Variants in CMIP observed in about 807,000 individuals in gnomAD.
CMIP encodes c-Maf inducing protein, also known as C-Maf-inducing protein.
Under a neutral mutation model 97.3 loss-of-function variants are expected in CMIP, and 13 were observed. That is an observed-to-expected ratio of 0.13 (90% CI 0.09 to 0.21). The LOEUF (loss-of-function observed/expected upper bound fraction) is 0.21, where lower values mean the gene tolerates loss of function less well. Among genes scored for constraint, CMIP ranks in the 10% least tolerant of loss-of-function variants. CMIP has a pLI of 1.00. For synonymous variants in CMIP, 538 were observed against 436.3 expected, an observed-to-expected ratio of 1.23 and a Z score of -2.91; for missense variants, 847 against 1,024.9, an observed-to-expected ratio of 0.83 and a Z score of 2.37.
chr16:81,698,107 G>C (rs1232691029), intron 14 of CMIP: 1 of 151,942 alleles, frequency 6.6e-6, no homozygotes, highest in African/African-American at 2.4e-5. Flanking sequence ...GTTCATGATG[G>C]AGCGGAAAAA....
chr16:81,541,503 T>G (rs569908274), intron 1 of CMIP, among the ~76,000 whole-genome samples: 1 of 152,328 alleles, frequency 6.6e-6, no homozygotes, highest in South Asian at 2.1e-4. Context: ...CCTCACACGC[T>G]TCTTCCATGA....
chr16:81,600,819 T>A (rs987731811), intron 1 of CMIP, among the ~76,000 whole-genome samples: 18 of 152,210 alleles, frequency 1.2e-4, no homozygotes, highest in African/African-American at 4.3e-4. Context: ...CGCAAGCCAC[T>A]TTGAGCACCA....
chr16:81,614,753 G>A lies in CMIP; in HGVS notation c.427-6123G>A, dbSNP rs998579860. Among the ~76,000 whole-genome samples, 2 of 151,796 alleles carry A rather than the reference G, an allele frequency of 1.3e-5. No individual in the cohort carries two copies. Among genetic ancestry groups the A allele is most frequent in the African/African-American group, 4.8e-5 (2 of 41,270 alleles). On this transcript the variant is annotated intron_variant, in intron 2 of 20. Transcript: ENST00000537098. The surrounding 1 kb of genome is among the most constrained non-coding windows in gnomAD (Gnocchi z 5.3). ...TGTGTGTCTCTGTGAGTGTGTATGT[G>A]TCTATGTCTGTGGTGTGTGTGGTAT...
Position 81,710,820 on chromosome 16 carries a change from A to C in CMIP, c.*1021A>C. 1.3e-5 allele frequency: 2 copies of C among 152,126 alleles called. 1 individual carries two copies. 9.4% of individuals were successfully genotyped at this position (152,126 alleles called of 1,614,324 possible). ...CGCCCTCTCCAGTCCACCCCGGTAA[A>C]AGAGCTGTTCCCCACCCCCAGGGAG... On this transcript the variant is annotated 3_prime_UTR_variant, in exon 21 of 21. Coordinates refer to ENST00000537098, the MANE Select transcript of CMIP (RefSeq NM_198390.3).
At chr16:81,530,953 C>T (rs2090222776) in intron 1 of CMIP, among the ~76,000 whole-genome samples, 1 of 152,214 alleles carries the variant, frequency 6.6e-6, no homozygotes, top group Non-Finnish European at 1.5e-5. Flanking sequence ...TCGAACGTAG[C>T]CACCAGCTAG....
At chr16:81,540,643 A>AGTGTGTGTGTGT (rs67286788) in intron 1 of CMIP, among the ~76,000 whole-genome samples, 122 of 141,984 alleles carry the variant, frequency 8.6e-4, no homozygotes, top group African/African-American at 3.0e-3. Flanking sequence ...TCTTGTTTTG[A>AGTGTGTGTGTGT]GTGTGTGTGT....
At chr16:81,702,127 G>C (rs1461578321) in intron 16 of CMIP, among the ~76,000 whole-genome samples, 1 of 152,156 alleles carries the variant, frequency 6.6e-6, no homozygotes, top group Non-Finnish European at 1.5e-5. Flanking sequence ...GAAGGACTTT[G>C]TATGTCCACA....
chr16:81,677,257 G>A (rs1325548405), intron 9 of CMIP, among the ~76,000 whole-genome samples: 1 of 152,148 alleles, frequency 6.6e-6, no homozygotes, highest in African/African-American at 2.4e-5. Flanking sequence ...AGGATCCTGG[G>A]CTTTGGGGTC....
chr16:81,664,425 G>C (rs188445188), intron 7 of CMIP, 76 bp downstream of exon 7: 2 of 1,401,304 alleles, frequency 1.4e-6, no homozygotes, highest in South Asian at 1.3e-5. Context: ...GGCCTTTTGC[G>C]TTGGCACAGA....
intron 1 of CMIP, among the ~76,000 whole-genome samples, chr16:81,580,266 G>A (rs542658974): frequency 8.4e-4 from 128 of 152,296 alleles, no homozygotes; most frequent in African/African-American, 3.0e-3. Context: ...TCAGAGAAGC[G>A]AGGTGCCCTA....
intron 1 of CMIP, among the ~76,000 whole-genome samples, chr16:81,456,534 C>G (rs1018111613): frequency 6.6e-6 from 1 of 152,346 alleles, no homozygotes; most frequent in Non-Finnish European, 1.5e-5. Context: ...ATGCCAGACA[C>G]TACTAGAGCC....
At chr16:81,624,975 G>C (rs2092041504) in intron 3 of CMIP, among the ~76,000 whole-genome samples, 1 of 152,236 alleles carries the variant, frequency 6.6e-6, no homozygotes. Context: ...ACTGCATTTT[G>C]TGAATTACTT....
chr16:81,586,675 C>G (rs557811042), intron 1 of CMIP, among the ~76,000 whole-genome samples: 103 of 152,314 alleles, frequency 6.8e-4, no homozygotes, highest in African/African-American at 2.3e-3. Flanking sequence ...AAGCCCAACT[C>G]AAACATCGCA....
intron 1 of CMIP, among the ~76,000 whole-genome samples, chr16:81,559,491 G>T (rs559411469): frequency 6.6e-6 from 1 of 152,348 alleles, no homozygotes; most frequent in Non-Finnish European, 1.5e-5. Flanking sequence ...CATGTAAACA[G>T]ATAACAGCCA....
intron 9 of CMIP, among the ~76,000 whole-genome samples, chr16:81,675,734 G>C (rs919754766): frequency 1.3e-5 from 2 of 152,220 alleles, no homozygotes; most frequent in Admixed American, 1.3e-4. Context: ...AGAGAGGAAA[G>C]GGAAGCAAAA....
chr16:81,658,450 A>G (rs1597207896), intron 5 of CMIP, among the ~76,000 whole-genome samples: 1 of 152,358 alleles, frequency 6.6e-6, no homozygotes, highest in African/African-American at 2.4e-5. Flanking sequence ...TAGGAAGACA[A>G]AAGTGATCAC....
chr16:81,664,358 C>A lies in CMIP; in HGVS notation c.825+9C>A, dbSNP rs371658735. 8 of 1,583,354 alleles carry A rather than the reference C, an allele frequency of 5.1e-6. No homozygotes were observed. The Admixed American group carries it at 1.4e-4, about 29-fold the overall frequency. ...TCCTCAAGCATAACATGGTGAGTCA[C>A]CCTGCCCCAACACCCAGACCCCAGC... On this transcript the variant is annotated intron_variant, in intron 7 of 20. Transcript: ENST00000537098.
intron 1 of CMIP, among the ~76,000 whole-genome samples, chr16:81,548,006 T>C (rs1161423551): frequency 6.6e-6 from 1 of 152,232 alleles, no homozygotes; most frequent in Admixed American, 6.5e-5. Context: ...TGTAAAGCTG[T>C]TGGAACAATT....
chr16:81,662,905 A>G (rs1009133341), intron 6 of CMIP, among the ~76,000 whole-genome samples: 1 of 152,192 alleles, frequency 6.6e-6, no homozygotes, highest in African/African-American at 2.4e-5. Flanking sequence ...AAGCCCTCGT[A>G]CTATCATACC....
Sources: gnomAD v4.1 joint callset for allele counts (sites outside exome capture counted in the v4.1 genomes callset) on GRCh38, gnomAD v4.1.1 for gene constraint, Gnocchi (gnomAD v3.1) non-coding constraint, MANE v1.5 for transcripts, NCBI Gene and HGNC (gene_info 2026-07-23, HGNC 2026-07-21) for gene names.